Variants in VEGFC observed in about 807,000 individuals in gnomAD.
VEGFC encodes the protein vascular endothelial growth factor C.
Under a neutral mutation model 46.1 loss-of-function variants are expected in VEGFC, and 12 were observed. That is an observed-to-expected ratio of 0.26 (90% CI 0.17 to 0.42). VEGFC has a LOEUF of 0.42. Among genes scored for constraint, VEGFC ranks in the 10% least tolerant of loss-of-function variants. VEGFC has a pLI of 1.00. For synonymous variants in VEGFC, 232 were observed against 195.5 expected, an observed-to-expected ratio of 1.19 and a Z score of -1.56; for missense variants, 488 against 529.4, an observed-to-expected ratio of 0.92 and a Z score of 0.77.
chr4:176,695,852 C>T (rs1386225798), intron 4 of VEGFC, among the ~76,000 whole-genome samples: 2 of 152,016 alleles, frequency 1.3e-5, no homozygotes, highest in Non-Finnish European at 2.9e-5. Flanking sequence ...TAAATGTAAT[C>T]CAGCATATAA....
At chr4:176,735,929 C>T (rs185244838) in intron 1 of VEGFC, among the ~76,000 whole-genome samples, 1 of 151,942 alleles carries the variant, frequency 6.6e-6, no homozygotes, top group African/African-American at 2.4e-5. Flanking sequence ...AAATAGCCTT[C>T]TATAATATCT....
chr4:176,691,840 C>T (rs6849283), intron 4 of VEGFC, among the ~76,000 whole-genome samples: 34,480 of 151,518 alleles, frequency 0.23, 6,312 homozygotes, highest in African/African-American at 0.52. Context: ...AGCTCCCAGC[C>T]TGAGCAACGC....
At chr4:176,722,029 A>C (rs1206522195) in intron 3 of VEGFC, among the ~76,000 whole-genome samples, 4 of 152,164 alleles carry the variant, frequency 2.6e-5, no homozygotes, top group Non-Finnish European at 5.9e-5. Context: ...AAAATGACAA[A>C]ATAAAAACTA....
chr4:176,732,657 A>G (rs1734987085), intron 1 of VEGFC, among the ~76,000 whole-genome samples: 1 of 151,812 alleles, frequency 6.6e-6, no homozygotes, highest in Non-Finnish European at 1.5e-5. Context: ...AACATTGCTT[A>G]GCTATTCAGA....
intron 4 of VEGFC, 57 bp from the exon 5 acceptor site, chr4:176,687,984 A>AG: frequency 2.5e-5 from 23 of 916,556 alleles, no homozygotes; most frequent in Non-Finnish European, 3.5e-5. Context: ...AGAAGGGACC[A>AG]TCTCTGCTCA....
chr4:176,789,962 T>C (rs187147521), intron 1 of VEGFC, among the ~76,000 whole-genome samples: 1 of 152,332 alleles, frequency 6.6e-6, no homozygotes, highest in African/African-American at 2.4e-5. Context: ...CTGTTTACCT[T>C]CTGAAATATT....
At chr4:176,712,360 T>C (rs1734633548) in intron 3 of VEGFC, among the ~76,000 whole-genome samples, 1 of 152,214 alleles carries the variant, frequency 6.6e-6, no homozygotes, top group Non-Finnish European at 1.5e-5. Flanking sequence ...TTAGTTTAAC[T>C]GGTCTCCTTC....
chr4:176,790,117 C>A (rs796449388), intron 1 of VEGFC, among the ~76,000 whole-genome samples: 13 of 152,254 alleles, frequency 8.5e-5, no homozygotes, highest in African/African-American at 3.1e-4. Flanking sequence ...AGTTGTGTGA[C>A]ATGTTTCATA....
At chr4:176,721,176 G>C (rs928124414) in intron 3 of VEGFC, among the ~76,000 whole-genome samples, 3 of 152,124 alleles carry the variant, frequency 2.0e-5, no homozygotes, top group Non-Finnish European at 4.4e-5. Flanking sequence ...TTTGAGGCTG[G>C]ACACTTAGGT....
At chr4:176,776,803 T>C (rs936000460) in intron 1 of VEGFC, among the ~76,000 whole-genome samples, 22 of 152,228 alleles carry the variant, frequency 1.4e-4, no homozygotes, top group African/African-American at 4.8e-4. Context: ...GTGTGTTTTA[T>C]TTTGCTTGGC....
At chr4:176,756,253 A>T (rs139290962) in intron 1 of VEGFC, among the ~76,000 whole-genome samples, 2 of 152,192 alleles carry the variant, frequency 1.3e-5, no homozygotes, top group African/African-American at 4.8e-5. Context: ...CTATTTTTTG[A>T]ATGTCAAAAA....
At chr4:176,740,574 A>G (rs1443359084) in intron 1 of VEGFC, among the ~76,000 whole-genome samples, 1 of 146,862 alleles carries the variant, frequency 6.8e-6, no homozygotes, top group Non-Finnish European at 1.5e-5. Context: ...ATATATAGAG[A>G]GAGAATACAT....
At chr4:176,781,063 T>G (rs1261956625) in intron 1 of VEGFC, among the ~76,000 whole-genome samples, 3 of 152,188 alleles carry the variant, frequency 2.0e-5, no homozygotes, top group Admixed American at 1.3e-4. Context: ...GCATTAAAAT[T>G]TATGACATCA....
At chr4:176,759,880 T>G (rs1735499202) in intron 1 of VEGFC, among the ~76,000 whole-genome samples, 1 of 152,066 alleles carries the variant, frequency 6.6e-6, no homozygotes, top group Admixed American at 6.6e-5. Context: ...ACTGTTTGAA[T>G]AAAATATATT....
intron 1 of VEGFC, among the ~76,000 whole-genome samples, chr4:176,763,974 A>T (rs770839884): frequency 2.0e-5 from 3 of 152,192 alleles, no homozygotes; most frequent in Non-Finnish European, 4.4e-5. Context: ...TTAGTCACTA[A>T]GCCATACTAA....
intron 3 of VEGFC, among the ~76,000 whole-genome samples, chr4:176,717,191 T>G (rs1267022648): frequency 6.6e-6 from 1 of 152,076 alleles, no homozygotes; most frequent in East Asian, 1.9e-4. Context: ...TTATGAAGCC[T>G]GACATATACT....
chr4:176,699,414 T>C (rs1734385446), intron 4 of VEGFC, among the ~76,000 whole-genome samples: 1 of 152,154 alleles, frequency 6.6e-6, no homozygotes, highest in South Asian at 2.1e-4. Flanking sequence ...AATACCAAAA[T>C]AGGGTTTTGG....
chr4:176,717,011 CTGAT>C (rs1734711525), intron 3 of VEGFC, among the ~76,000 whole-genome samples: 1 of 152,020 alleles, frequency 6.6e-6, no homozygotes, highest in Admixed American at 6.6e-5. Flanking sequence ...TTAGTAAATA[CTGAT>C]TGATGATGTA....
intron 3 of VEGFC, among the ~76,000 whole-genome samples, chr4:176,722,148 A>C: frequency 6.6e-6 from 1 of 152,200 alleles, no homozygotes; most frequent in East Asian, 1.9e-4. Flanking sequence ...AACTGAAAAA[A>C]AAATCAACCA....
Sources: allele counts gnomAD v4.1 joint callset (sites outside exome capture counted in the v4.1 genomes callset), GRCh38; gene constraint gnomAD v4.1.1; transcripts MANE v1.5; gene names NCBI Gene and HGNC (gene_info 2026-07-23, HGNC 2026-07-21).